GPHN: variants seen among roughly 807,000 people sequenced by gnomAD.
GPHN encodes the protein gephyrin.
A neutral mutation model predicts 95.5 loss-of-function variants in GPHN; 17 were observed. The observed-to-expected ratio is 0.18, with a 90% CI of 0.12 to 0.27. The LOEUF (loss-of-function observed/expected upper bound fraction) is 0.27, where lower values mean the gene tolerates loss of function less well. GPHN is among the 10% of genes least tolerant of loss of function. The pLI is 1.00. For synonymous variants in GPHN, 320 were observed against 322.5 expected (o/e 0.99, Z 0.08); for missense variants, 660 against 978.1 (o/e 0.67, Z 4.34).
At chr14:66,597,068 A>G (rs1465250516) in intron 1 of GPHN, among the ~76,000 whole-genome samples, 1 of 152,170 alleles carries the variant, frequency 6.6e-6, no homozygotes, top group African/African-American at 2.4e-5. Context: ...TTTATGGGGA[A>G]AATGGCAGTT....
At chr14:67,412,175 GCGGCAGGGCGA>G in the GPHN span, 2 of 810,888 alleles carry the variant, frequency 2.5e-6, no homozygotes, top group Non-Finnish European at 3.5e-6. Flanking sequence ...CAGCTCCGAC[GCGGCAGGGCGA>G]CGCCTCCCTG....
the GPHN span, chr14:67,592,762 T>C: frequency 8.9e-7 from 1 of 1,125,918 alleles, no homozygotes; most frequent in Admixed American, 1.9e-5. Flanking sequence ...GTGAAACTCA[T>C]TTTGCATTCT....
chr14:67,517,647 A>G, the GPHN span, among the ~76,000 whole-genome samples: 37 of 152,192 alleles, frequency 2.4e-4, no homozygotes, highest in Admixed American at 4.6e-4. Flanking sequence ...AGTGAACTTA[A>G]CTCCATGACC....
intron 3 of GPHN, among the ~76,000 whole-genome samples, chr14:66,797,398 A>G (rs185373205): frequency 2.0e-5 from 3 of 151,936 alleles, no homozygotes; most frequent in Non-Finnish European, 4.4e-5. Context: ...TAGGGATTGT[A>G]TTAAATCTGT....
chr14:66,980,337 T>TG (rs1285611475), intron 9 of GPHN, among the ~76,000 whole-genome samples: 1 of 152,220 alleles, frequency 6.6e-6, no homozygotes, highest in Non-Finnish European at 1.5e-5. Context: ...TTCTTAATCC[T>TG]GCTGGATAGA....
At chr14:67,579,324 G>A in the GPHN span, 1 of 1,488,640 alleles carries the variant, frequency 6.7e-7, no homozygotes, top group African/African-American at 1.4e-5. Flanking sequence ...GAGGAGCTGG[G>A]CGTGCTCTTT....
At chr14:67,048,336 CA>C (rs2153640492) in intron 10 of GPHN, among the ~76,000 whole-genome samples, 1 of 152,260 alleles carries the variant, frequency 6.6e-6, no homozygotes, top group East Asian at 1.9e-4. Context: ...ACTTCCTCTG[CA>C]AAAATTCTGA....
chr14:66,844,118 G>T (rs972683034), intron 4 of GPHN, among the ~76,000 whole-genome samples: 4 of 151,886 alleles, frequency 2.6e-5, no homozygotes, highest in Non-Finnish European at 5.9e-5. Context: ...GTAGCTTTCT[G>T]CTCTGCTCTA....
chr14:67,420,102 G>A, the GPHN span, among the ~76,000 whole-genome samples: 8 of 152,198 alleles, frequency 5.3e-5, no homozygotes, highest in Non-Finnish European at 1.2e-4. Context: ...TTAGGGAAGG[G>A]CCCTCTCAGT....
At chr14:67,038,559 G>A (rs1462978262) in intron 10 of GPHN, among the ~76,000 whole-genome samples, 1 of 151,876 alleles carries the variant, frequency 6.6e-6, no homozygotes, top group African/African-American at 2.4e-5. Context: ...TCTCTTTTTT[G>A]TGATGTGTAT....
chr14:67,184,862 T>C (rs1240797120), downstream of GPHN, among the ~76,000 whole-genome samples: 2 of 151,576 alleles, frequency 1.3e-5, no homozygotes, highest in Non-Finnish European at 2.9e-5. Context: ...GGCCTTGGGG[T>C]GTTGGAGGAA....
chr14:67,111,345 C>G (rs1419254014), intron 14 of GPHN, among the ~76,000 whole-genome samples: 1 of 152,142 alleles, frequency 6.6e-6, no homozygotes, highest in African/African-American at 2.4e-5. Context: ...TTATTCACAG[C>G]CCATAAATGT....
chr14:67,716,218 A>G, the GPHN span, among the ~76,000 whole-genome samples: 5 of 151,946 alleles, frequency 3.3e-5, no homozygotes, highest in African/African-American at 1.2e-4. Flanking sequence ...AAAGAAAAGA[A>G]AAAAGAAATT....
At chr14:66,634,608 T>C (rs1214763013) in intron 1 of GPHN, among the ~76,000 whole-genome samples, 3 of 152,150 alleles carry the variant, frequency 2.0e-5, no homozygotes, top group Non-Finnish European at 4.4e-5. Context: ...CTCGCATCCC[T>C]GGGCCGGGCT....
At chr14:67,326,259 T>TTTTTTTTG in the GPHN span, among the ~76,000 whole-genome samples, 2 of 122,984 alleles carry the variant, frequency 1.6e-5, no homozygotes, top group Non-Finnish European at 3.2e-5. Flanking sequence ...TTTTTTTTTT[T>TTTTTTTTG]GAGAGGAGAT....
chr14:67,348,136 G>A, the GPHN span, among the ~76,000 whole-genome samples: 75 of 151,366 alleles, frequency 5.0e-4, no homozygotes, highest in African/African-American at 1.4e-3. Flanking sequence ...GTACAATGGC[G>A]CAATCTCGGC....
At chr14:67,329,065 G>T in the GPHN span, among the ~76,000 whole-genome samples, 1 of 152,076 alleles carries the variant, frequency 6.6e-6, no homozygotes, top group Admixed American at 6.5e-5. Flanking sequence ...AAATTACCTT[G>T]GGCAGTATGG....
chr14:67,232,757 C>A, the GPHN span, among the ~76,000 whole-genome samples: 2 of 152,240 alleles, frequency 1.3e-5, no homozygotes, highest in African/African-American at 4.8e-5. Context: ...GAAAAAAAAT[C>A]AGTGCATTTT....
chr14:66,834,820 A>G (rs541180790), intron 4 of GPHN, among the ~76,000 whole-genome samples: 1 of 144,082 alleles, frequency 6.9e-6, no homozygotes, highest in East Asian at 2.0e-4. Flanking sequence ...GAATAGTTTC[A>G]GAAGGAATGG....
Sources: gnomAD v4.1 joint callset for allele counts (sites outside exome capture counted in the v4.1 genomes callset) on GRCh38, gnomAD v4.1.1 for gene constraint, MANE v1.5 for transcripts, NCBI Gene and HGNC (gene_info 2026-07-23, HGNC 2026-07-21) for gene names.